PDE1C: variants seen among roughly 807,000 people sequenced by gnomAD.
The protein encoded by PDE1C is phosphodiesterase 1C.
In PDE1C, 62 loss-of-function variants were observed where a neutral mutation model predicts 93.1. That is an observed-to-expected ratio of 0.67 (90% CI 0.54 to 0.82). The LOEUF (loss-of-function observed/expected upper bound fraction) is 0.82. Among genes scored for constraint, PDE1C ranks in the 40% least tolerant of loss-of-function variants. PDE1C has a pLI of 0.00. For synonymous variants in PDE1C, 325 were observed against 310.1 expected, an observed-to-expected ratio of 1.05 and a Z score of -0.50; for missense variants, 742 against 884.6, an observed-to-expected ratio of 0.84 and a Z score of 2.04.
At chr7:31,794,041 T>TAGATAGAGAGAC (rs1554335955) in intron 16 of PDE1C, among the ~76,000 whole-genome samples, 2 of 89,546 alleles carry the variant, frequency 2.2e-5, no homozygotes, top group Non-Finnish European at 4.6e-5. Flanking sequence ...GATAGATAGA[T>TAGATAGAGAGAC]AGACAGACAG....
the PDE1C span, among the ~76,000 whole-genome samples, chr7:31,697,489 C>T: frequency 6.6e-6 from 1 of 152,024 alleles, no homozygotes; most frequent in Non-Finnish European, 1.5e-5. Flanking sequence ...GACTAATTGG[C>T]CAAATCCTCA....
chr7:32,029,192 A>C (rs1015690673), intron 2 of PDE1C, among the ~76,000 whole-genome samples: 1 of 152,256 alleles, frequency 6.6e-6, no homozygotes, highest in East Asian at 1.9e-4. Flanking sequence ...CCACAATGAG[A>C]TATCATCTCA....
intron 15 of PDE1C, among the ~76,000 whole-genome samples, chr7:31,811,786 G>A (rs913773582): frequency 6.6e-6 from 1 of 152,040 alleles, no homozygotes; most frequent in Non-Finnish European, 1.5e-5. Context: ...CTCAGCCAGG[G>A]ATGGGGAGGC....
chr7:31,877,728 A>T (rs1562958662), intron 5 of PDE1C, among the ~76,000 whole-genome samples: 1 of 149,668 alleles, frequency 6.7e-6, no homozygotes, highest in Non-Finnish European at 1.5e-5. Flanking sequence ...TAAAATCTAA[A>T]CTACTCTAGA....
At chr7:32,249,772 T>A (rs947757492) in intron 1 of PDE1C, among the ~76,000 whole-genome samples, 2 of 152,192 alleles carry the variant, frequency 1.3e-5, no homozygotes, top group African/African-American at 4.8e-5. Context: ...AAGTCAATCA[T>A]CACGTCTTAA....
chr7:31,968,629 C>G (rs1299608262), intron 2 of PDE1C, among the ~76,000 whole-genome samples: 7 of 152,030 alleles, frequency 4.6e-5, no homozygotes, highest in Non-Finnish European at 8.8e-5. Context: ...CATATGGAAC[C>G]AAAAAAGAGC....
At chr7:31,900,383 G>A (rs1799817962) in intron 2 of PDE1C, among the ~76,000 whole-genome samples, 1 of 149,346 alleles carries the variant, frequency 6.7e-6, no homozygotes, top group Non-Finnish European at 1.5e-5. Context: ...AAAGAACTAA[G>A]TAACATTCAT....
chr7:32,237,320 C>G (rs1015859028), intron 1 of PDE1C, among the ~76,000 whole-genome samples: 1 of 151,566 alleles, frequency 6.6e-6, no homozygotes, highest in South Asian at 2.1e-4. Context: ...ATCTCCTGAC[C>G]TCGTGATCCG....
chr7:32,136,081 C>T (rs1800190192), intron 3 of PDE1C, among the ~76,000 whole-genome samples: 1 of 151,974 alleles, frequency 6.6e-6, no homozygotes, highest in African/African-American at 2.4e-5. Context: ...GCTCATAGAA[C>T]CAGAGAGTAG....
At chr7:31,997,898 T>C (rs1455190691) in intron 2 of PDE1C, among the ~76,000 whole-genome samples, 1 of 152,176 alleles carries the variant, frequency 6.6e-6, no homozygotes, top group Non-Finnish European at 1.5e-5. Context: ...GGAGCATAAT[T>C]TGAACTTGGA....
chr7:32,244,737 C>G (rs2128871606), intron 1 of PDE1C, among the ~76,000 whole-genome samples: 1 of 152,128 alleles, frequency 6.6e-6, no homozygotes. Context: ...GTAAAGAAAC[C>G]TGATGCATGG....
At chr7:31,715,623 A>G in the PDE1C span, among the ~76,000 whole-genome samples, 1 of 152,236 alleles carries the variant, frequency 6.6e-6, no homozygotes. Context: ...ATGTGTTGAC[A>G]TTATAGCCCA....
chr7:31,967,718 T>C (rs1810248224), intron 2 of PDE1C, among the ~76,000 whole-genome samples: 1 of 152,160 alleles, frequency 6.6e-6, no homozygotes, highest in African/African-American at 2.4e-5. Context: ...AATAAAACAC[T>C]GGCAAACCAA....
the PDE1C span, among the ~76,000 whole-genome samples, chr7:31,624,356 A>G: frequency 0.27 from 39,598 of 146,534 alleles, 5,864 homozygotes; most frequent in Non-Finnish European, 0.33. Context: ...GCATCACGCT[A>G]CCTGACTTCA....
At chr7:32,028,061 G>A (rs891609192) in intron 2 of PDE1C, among the ~76,000 whole-genome samples, 3 of 152,010 alleles carry the variant, frequency 2.0e-5, no homozygotes, top group African/African-American at 7.3e-5. Flanking sequence ...GCTAGAGCAG[G>A]GCTGTCCAAC....
chr7:32,244,527 G>C (rs1370144148), intron 1 of PDE1C, among the ~76,000 whole-genome samples: 3 of 152,058 alleles, frequency 2.0e-5, no homozygotes, highest in African/African-American at 7.2e-5. Context: ...TTCCTTTGTG[G>C]GTACTTATTT....
At chr7:32,384,154 C>T (rs774486109) in intron 1 of PDE1C, among the ~76,000 whole-genome samples, 3 of 152,150 alleles carry the variant, frequency 2.0e-5, no homozygotes, top group Non-Finnish European at 4.4e-5. Context: ...AGGTATTTAA[C>T]AAGCTTGTAC....
chr7:32,287,606 C>T (rs1812074886), intron 1 of PDE1C, among the ~76,000 whole-genome samples: 1 of 152,236 alleles, frequency 6.6e-6, no homozygotes, highest in Non-Finnish European at 1.5e-5. Context: ...ATAAAGAATG[C>T]ACTCCATAAA....
intron 2 of PDE1C, among the ~76,000 whole-genome samples, chr7:31,913,874 A>G (rs920677039): frequency 6.6e-6 from 1 of 152,130 alleles, no homozygotes; most frequent in Admixed American, 6.6e-5. Flanking sequence ...AAGTTTTTCA[A>G]AAGGAACTTG....
Sources: allele counts gnomAD v4.1 joint callset (sites outside exome capture counted in the v4.1 genomes callset), GRCh38; gene constraint gnomAD v4.1.1; transcripts MANE v1.5; gene names NCBI Gene and HGNC (gene_info 2026-07-23, HGNC 2026-07-21).